LRMDA: variants seen among roughly 807,000 people sequenced by gnomAD.
LRMDA encodes the protein leucine rich melanocyte differentiation associated.
LRMDA carries 18 observed loss-of-function variants against 29.8 expected under a neutral mutation model. That is an observed-to-expected ratio of 0.60 (90% CI 0.42 to 0.90). The LOEUF (loss-of-function observed/expected upper bound fraction) is 0.90, where lower values mean the gene tolerates loss of function less well. Ranked by LOEUF, LRMDA falls within the 40% of genes least tolerant of loss-of-function variation. The pLI, the probability that LRMDA is intolerant of heterozygous loss-of-function variation, is 0.00. For synonymous variants in LRMDA, 125 were observed against 109.4 expected (o/e 1.14, Z -0.89); for missense variants, 273 against 273.9 (o/e 1.00, Z 0.02).
intron 2 of LRMDA, among the ~76,000 whole-genome samples, chr10:75,466,651 T>G (rs1844654066): frequency 6.6e-6 from 1 of 151,928 alleles, no homozygotes; most frequent in African/African-American, 2.4e-5. Context: ...GGGCTTGGAG[T>G]GTCTTGGATA....
intron 6 of LRMDA, among the ~76,000 whole-genome samples, chr10:76,484,798 T>C (rs994265134): frequency 3.3e-5 from 5 of 151,878 alleles, no homozygotes. Context: ...CCTAGTACTT[T>C]TTTGCCTCAT....
intron 6 of LRMDA, among the ~76,000 whole-genome samples, chr10:76,517,004 G>C (rs1319685768): frequency 6.6e-6 from 1 of 152,114 alleles, no homozygotes; most frequent in South Asian, 2.1e-4. Flanking sequence ...ATTGAAGAGA[G>C]AATATTAGTA....
chr10:75,653,291 T>C (rs1302985599), intron 2 of LRMDA, among the ~76,000 whole-genome samples: 1 of 152,232 alleles, frequency 6.6e-6, no homozygotes, highest in Non-Finnish European at 1.5e-5. Flanking sequence ...CTGCCCTCAA[T>C]TCCTTTGCCT....
At chr10:75,806,740 G>T (rs1399432929) in intron 2 of LRMDA, among the ~76,000 whole-genome samples, 3 of 147,114 alleles carry the variant, frequency 2.0e-5, no homozygotes, top group Non-Finnish European at 3.0e-5. Context: ...ACAGAACATG[G>T]TTGGTTTGCT....
chr10:75,834,991 C>T (rs892911591), intron 2 of LRMDA, among the ~76,000 whole-genome samples: 4 of 152,162 alleles, frequency 2.6e-5, no homozygotes, highest in African/African-American at 2.4e-5. Context: ...TATCAAATTC[C>T]GAAACCACTT....
At chr10:76,170,321 C>T (rs1401794732) in intron 5 of LRMDA, among the ~76,000 whole-genome samples, 1 of 152,176 alleles carries the variant, frequency 6.6e-6, no homozygotes, top group African/African-American at 2.4e-5. Context: ...TAAGATATAA[C>T]CATAGGTATA....
At chr10:75,630,073 G>A (rs1841303501) in intron 2 of LRMDA, among the ~76,000 whole-genome samples, 1 of 152,142 alleles carries the variant, frequency 6.6e-6, no homozygotes, top group South Asian at 2.1e-4. Flanking sequence ...TTAAACAAAG[G>A]CACTTTTTCA....
intron 5 of LRMDA, among the ~76,000 whole-genome samples, chr10:76,212,406 C>T (rs982880722): frequency 5.9e-5 from 9 of 152,102 alleles, no homozygotes; most frequent in Admixed American, 2.0e-4. Context: ...ATTTTTCACA[C>T]TCAAAAGATT....
intron 5 of LRMDA, among the ~76,000 whole-genome samples, chr10:76,221,369 A>G (rs1851831633): frequency 2.6e-5 from 4 of 152,262 alleles, no homozygotes; most frequent in Admixed American, 2.6e-4. Flanking sequence ...ACATCTAGAA[A>G]ACCCCATTGT....
chr10:76,024,927 C>A (rs1160310557), intron 2 of LRMDA, among the ~76,000 whole-genome samples: 1 of 152,244 alleles, frequency 6.6e-6, no homozygotes, highest in Non-Finnish European at 1.5e-5. Flanking sequence ...GCGCCTCCCC[C>A]ACCAGGCTCT....
chr10:75,822,405 A>C (rs1415184580), intron 2 of LRMDA, among the ~76,000 whole-genome samples: 1 of 152,304 alleles, frequency 6.6e-6, no homozygotes, highest in East Asian at 1.9e-4. Flanking sequence ...CAATCTATAG[A>C]TTCAACCCAA....
intron 5 of LRMDA, among the ~76,000 whole-genome samples, chr10:76,205,105 G>A (rs1851510082): frequency 6.6e-6 from 1 of 152,182 alleles, no homozygotes; most frequent in Non-Finnish European, 1.5e-5. Context: ...AGTAGAGGAT[G>A]CCTAGGTCCC....
intron 5 of LRMDA, among the ~76,000 whole-genome samples, chr10:76,179,571 A>G (rs1234112105): frequency 1.3e-5 from 2 of 152,200 alleles, no homozygotes; most frequent in Non-Finnish European, 2.9e-5. Context: ...GGTAAGAAAG[A>G]AAATGCTTCA....
intron 5 of LRMDA, among the ~76,000 whole-genome samples, chr10:76,322,940 C>T (rs1159799238): frequency 6.6e-6 from 1 of 152,022 alleles, no homozygotes; most frequent in African/African-American, 2.4e-5. Context: ...CTTGAATACC[C>T]AATAGAGAGA....
At chr10:76,437,175 A>G (rs1386639211) in intron 6 of LRMDA, among the ~76,000 whole-genome samples, 1 of 152,230 alleles carries the variant, frequency 6.6e-6, no homozygotes, top group Non-Finnish European at 1.5e-5. Flanking sequence ...CTTGAGTTTA[A>G]AAAGTTGGAC....
intron 2 of LRMDA, among the ~76,000 whole-genome samples, chr10:75,870,322 C>G (rs1385990787): frequency 6.6e-6 from 1 of 152,174 alleles, no homozygotes. Flanking sequence ...GACCAGATGG[C>G]TCTTTGTAGA....
At chr10:76,071,794 A>G (rs775503056) in intron 5 of LRMDA, among the ~76,000 whole-genome samples, 3 of 152,260 alleles carry the variant, frequency 2.0e-5, no homozygotes, top group Non-Finnish European at 4.4e-5. Flanking sequence ...CCAGATTTAC[A>G]AAGAAATAGT....
At chr10:75,577,057 A>G (rs1321850010) in intron 2 of LRMDA, among the ~76,000 whole-genome samples, 1 of 152,192 alleles carries the variant, frequency 6.6e-6, no homozygotes. Flanking sequence ...TGACAGAAGA[A>G]GGCTTCAGAA....
At chr10:75,643,371 C>A (rs1841478104) in intron 2 of LRMDA, among the ~76,000 whole-genome samples, 1 of 152,086 alleles carries the variant, frequency 6.6e-6, no homozygotes, top group Non-Finnish European at 1.5e-5. Context: ...TGCGATACTC[C>A]CTATTAGAAG....
Sources: gnomAD v4.1 joint callset for allele counts (sites outside exome capture counted in the v4.1 genomes callset) on GRCh38, gnomAD v4.1.1 for gene constraint, MANE v1.5 for transcripts, NCBI Gene and HGNC (gene_info 2026-07-23, HGNC 2026-07-21) for gene names.